Variants in NOX4 observed in about 807,000 individuals in gnomAD.
NOX4 encodes kidney oxidase-1.
A neutral mutation model predicts 87.6 loss-of-function variants in NOX4; 69 were observed. That is an observed-to-expected ratio of 0.79 (90% CI 0.65 to 0.96). The LOEUF (loss-of-function observed/expected upper bound fraction) is 0.96. NOX4 is among the 40% of genes least tolerant of loss of function. The pLI, the probability that NOX4 is intolerant of heterozygous loss-of-function variation, is 0.00. For synonymous variants in NOX4, 275 were observed against 238.2 expected (o/e 1.15, Z -1.42); for missense variants, 680 against 681.5 (o/e 1.00, Z 0.02).
At chr11:89,425,409 CA>C (rs766357906) in intron 7 of NOX4, among the ~76,000 whole-genome samples, 1,298 of 70,656 alleles carry the variant, frequency 0.018, 6 homozygotes, top group Middle Eastern at 0.037. Flanking sequence ...ATTGAAATAC[CA>C]AAAAAAAAAA....
chr11:89,441,677 A>G (rs1944460774), intron 5 of NOX4, among the ~76,000 whole-genome samples: 1 of 152,144 alleles, frequency 6.6e-6, no homozygotes, highest in Non-Finnish European at 1.5e-5. Context: ...ACAAAGTGGT[A>G]AGAATAGAAA....
At chr11:89,584,544 C>A in the NOX4 span, among the ~76,000 whole-genome samples, 1 of 152,132 alleles carries the variant, frequency 6.6e-6, no homozygotes, top group East Asian at 1.9e-4. Flanking sequence ...TACTGCTGAG[C>A]TTTGACAGTT....
At chr11:89,400,841 T>C (rs1242463098) in intron 9 of NOX4, among the ~76,000 whole-genome samples, 1 of 121,268 alleles carries the variant, frequency 8.2e-6, no homozygotes, top group Non-Finnish European at 1.7e-5. Flanking sequence ...TATACATACA[T>C]ATAATATGTA....
At chr11:89,388,216 G>A (rs970675142) in intron 11 of NOX4, among the ~76,000 whole-genome samples, 15 of 152,104 alleles carry the variant, frequency 9.9e-5, no homozygotes, top group Non-Finnish European at 1.9e-4. Flanking sequence ...TGGACACTGT[G>A]CTGCACTGCT....
intron 2 of NOX4, among the ~76,000 whole-genome samples, chr11:89,462,687 AC>A (rs1344791386): frequency 6.6e-6 from 1 of 152,058 alleles, no homozygotes; most frequent in Non-Finnish European, 1.5e-5. Context: ...CCACCCCAAA[AC>A]ATTAGTTCCT....
chr11:89,438,781 T>TG (rs1944252399), intron 6 of NOX4, among the ~76,000 whole-genome samples: 1 of 63,898 alleles, frequency 1.6e-5, no homozygotes, highest in East Asian at 5.7e-4. Flanking sequence ...AATAATATAA[T>TG]AATATATAGT....
intron 5 of NOX4, among the ~76,000 whole-genome samples, chr11:89,442,220 T>C (rs763114593): frequency 6.6e-6 from 1 of 151,602 alleles, no homozygotes; most frequent in African/African-American, 2.4e-5. Context: ...ACTTAAAACG[T>C]TGAGTTGCCA....
intron 11 of NOX4, among the ~76,000 whole-genome samples, chr11:89,399,445 ATATATATATATATATAT>A (rs1565238894): frequency 7.5e-6 from 1 of 133,138 alleles, no homozygotes; most frequent in Non-Finnish European, 1.6e-5. Flanking sequence ...ATATATATAT[ATATATATATATATATAT>A]ATATATATAT....
At chr11:89,327,884 A>G (rs1371838287) in intron 17 of NOX4, among the ~76,000 whole-genome samples, 1 of 152,158 alleles carries the variant, frequency 6.6e-6, no homozygotes, top group East Asian at 1.9e-4. Context: ...TACATTAAAA[A>G]TCTAGAAAAA....
At chr11:89,584,519 C>T in the NOX4 span, among the ~76,000 whole-genome samples, 1 of 152,102 alleles carries the variant, frequency 6.6e-6, no homozygotes, top group East Asian at 1.9e-4. Context: ...GTGTGTGTAG[C>T]ACAGATGATA....
intron 7 of NOX4, among the ~76,000 whole-genome samples, chr11:89,432,568 CT>C (rs1043961101): frequency 6.6e-6 from 1 of 152,036 alleles, no homozygotes; most frequent in Non-Finnish European, 1.5e-5. Flanking sequence ...CAAATGCAGT[CT>C]CCATACACAA....
In NOX4 at chr11:89,335,952, A is replaced by G. The variant is rs773955387; in HGVS notation, c.1516-7T>C. The G allele has an allele frequency of 2.6e-6, 4 of 1,531,402 alleles. No homozygotes were observed. The African/African-American group carries it at 4.1e-5, about 16-fold the overall frequency. The allele number at this position is 1,531,402 out of a possible 1,614,324, so 94.9% of individuals were successfully genotyped here. On this transcript the variant is annotated splice_region_variant and splice_polypyrimidine_tract_variant and intron_variant, in intron 16 of 17. Transcript: ENST00000263317. Reference sequence around the variant, plus strand: ...ATTTTTCTCCAATTATCTTCTGCCAAAAAGAAAGCACTACATTATTCGATA... The same window carrying G: ...ATTTTTCTCCAATTATCTTCTGCCAGAAAGAAAGCACTACATTATTCGATA...
chr11:89,457,864 C>T (rs1360392241), intron 2 of NOX4, among the ~76,000 whole-genome samples: 3 of 151,920 alleles, frequency 2.0e-5, no homozygotes, highest in Non-Finnish European at 4.4e-5. Context: ...AATAAAACAC[C>T]TCTGTAAGAG....
At chr11:89,386,436 C>A (rs188760048) in intron 11 of NOX4, among the ~76,000 whole-genome samples, 10 of 152,258 alleles carry the variant, frequency 6.6e-5, no homozygotes, top group Admixed American at 6.5e-4. Context: ...GATAGATGAT[C>A]TTTGCTGACA....
At chr11:89,428,899 A>G (rs1354168144) in intron 7 of NOX4, among the ~76,000 whole-genome samples, 2 of 152,246 alleles carry the variant, frequency 1.3e-5, no homozygotes, top group Admixed American at 1.3e-4. Context: ...CACTCCAATC[A>G]GCAGAATACA....
In NOX4 at chr11:89,451,872, G is replaced by A. The variant is rs376140435; in HGVS notation, c.177C>T (p.Ala59=). ...AGTTGAGGTTAAGAACAGATGCTGA[G>A]GCTCTGCTTAGACACAATCCTAGCT... is the stretch of plus-strand genomic sequence containing the variant. The part of the protein sequence containing the change: ...MLGLGLCLSR[A]SASVLNLNCS... Residue 59 remains alanine (A), a synonymous_variant, in exon 3 of 18, where the codon GCC becomes GCT. Transcript: ENST00000263317. The A allele has an allele frequency of 3.5e-5, 56 of 1,612,832 alleles. No homozygotes were observed. The highest frequency in any genetic ancestry group is 4.5e-5 in the Non-Finnish European group (53 of 1,179,158).
chr11:89,446,676 G>A (rs1944724420), intron 4 of NOX4, among the ~76,000 whole-genome samples: 2 of 152,102 alleles, frequency 1.3e-5, no homozygotes, highest in Admixed American at 1.3e-4. Context: ...CAGAATTATG[G>A]AGACTGTAAA....
chr11:89,401,364 G>C (rs1400387503), intron 9 of NOX4, among the ~76,000 whole-genome samples: 1 of 151,982 alleles, frequency 6.6e-6, no homozygotes, highest in Non-Finnish European at 1.5e-5. Context: ...CCTAATATTT[G>C]TGAATATTAT....
chr11:89,394,362 A>C (rs866822760), intron 11 of NOX4, among the ~76,000 whole-genome samples: 9,207 of 152,062 alleles, frequency 0.061, 584 homozygotes, highest in African/African-American at 0.16. Flanking sequence ...AAACAACAAA[A>C]AAAAAACTCT....
Sources: gnomAD v4.1 joint callset for allele counts (sites outside exome capture counted in the v4.1 genomes callset) on GRCh38, gnomAD v4.1.1 for gene constraint, MANE v1.5 for transcripts, NCBI Gene and HGNC (gene_info 2026-07-23, HGNC 2026-07-21) for gene names.